FBN3: variants seen among roughly 807,000 people sequenced by gnomAD.
FBN3 encodes the protein fibrillin 3.
A neutral mutation model predicts 330.1 loss-of-function variants in FBN3; 234 were observed. That is an observed-to-expected ratio of 0.71 (90% CI 0.64 to 0.79). The LOEUF (loss-of-function observed/expected upper bound fraction) is 0.79, where lower values mean the gene tolerates loss of function less well. Among genes scored for constraint, FBN3 ranks in the 30% least tolerant of loss-of-function variants. The pLI is 0.00. For synonymous variants in FBN3, 1,458 were observed against 1,517.3 expected, an observed-to-expected ratio of 0.96 and a Z score of 0.91; for missense variants, 3,606 against 3,886.9, an observed-to-expected ratio of 0.93 and a Z score of 1.92.
At chr19:8,097,059 G>C in intron 42 of FBN3, 53 bp from the exon 43 acceptor site, 1 of 1,590,766 alleles carries the variant, frequency 6.3e-7, no homozygotes, top group South Asian at 1.1e-5. Context: ...CATCCTGACA[G>C]AATCAAACGT....
At chr19:8,135,936 G>GGGGGGGGGGGGGGGGGGGGCCCCCCCC in intron 13 of FBN3, 25 bp downstream of exon 13, 6 of 668,754 alleles carry the variant, frequency 9.0e-6, no homozygotes, top group Non-Finnish European at 1.2e-5. Flanking sequence ...GGAAGCCCCT[G>GGGGGGGGGGGGGGGGGGGGCCCCCCCC]CCCACCCGCC....
At chr19:8,113,667 C>T (rs1401657356) in intron 30 of FBN3, among the ~76,000 whole-genome samples, 9 of 151,908 alleles carry the variant, frequency 5.9e-5, no homozygotes, top group Non-Finnish European at 1.2e-4. Context: ...TATGATCACA[C>T]CACTGCACTA....
intron 40 of FBN3, among the ~76,000 whole-genome samples, chr19:8,102,488 G>C (rs2082348423): frequency 6.6e-6 from 1 of 152,118 alleles, no homozygotes; most frequent in Admixed American, 6.6e-5. Flanking sequence ...AAAATGCTGG[G>C]ATTATAGGTG....
chr19:8,130,378 C>T (rs113031141), intron 16 of FBN3, among the ~76,000 whole-genome samples: 26,389 of 144,508 alleles, frequency 0.18, 2,920 homozygotes, highest in South Asian at 0.39. Context: ...GGGCATGGAG[C>T]TGCATGCCTG....
intron 38 of FBN3, 124 bp from the exon 39 acceptor site, chr19:8,103,811 T>G: frequency 1.2e-6 from 1 of 861,316 alleles, no homozygotes; most frequent in South Asian, 1.7e-5. Flanking sequence ...CAAAATCAGT[T>G]TAAAACGCAC....
chr19:8,093,477 G>T (rs531463466), intron 47 of FBN3, among the ~76,000 whole-genome samples: 277 of 151,996 alleles, frequency 1.8e-3, no homozygotes, highest in African/African-American at 6.1e-3. Flanking sequence ...CAAAAAAATA[G>T]CCGGGCATGG....
At position 8,073,275 on chromosome 19, in the gene FBN3, C is replaced by T. The variant is rs374904139; in HGVS notation, c.7725G>A (p.Ser2575=). The change falls in exon 62 of 64, where the codon TCG becomes TCA. Residue 2575 remains serine, a synonymous_variant. Transcript: ENST00000600128. The part of the protein sequence containing the change: ...QCVDENECAL[S]PPTCGSASCR... ...AGGAGGCGCTCCCGCAGGTGGGGGG[C>T]GACAGGGCACACTCATTCTCATCTG... The T allele has an allele frequency of 1.8e-4, 291 of 1,613,400 alleles. No individual in the cohort carries two copies. Among genetic ancestry groups the T allele is most frequent in the Non-Finnish European group, 2.4e-4 (278 of 1,179,804 alleles).
intron 8 of FBN3, among the ~76,000 whole-genome samples, chr19:8,141,124 G>A (rs2083401581): frequency 6.7e-6 from 1 of 148,736 alleles, no homozygotes. Context: ...GAACCCAGGA[G>A]GCGGAGCTTG....
chr19:8,136,826 C>A (rs1260153632), intron 10 of FBN3, among the ~76,000 whole-genome samples: 1 of 149,152 alleles, frequency 6.7e-6, no homozygotes, highest in South Asian at 2.2e-4. Context: ...GGTCTAGATA[C>A]CTCCAACCTG....
chr19:8,144,989 G>A lies in FBN3; in HGVS notation c.446-17C>T. ...CACAGATGGCTGTGGAGGAGAGAGG[G>A]TGATGGCTGGAGGTCCCCCAGCAGC... is the stretch of plus-strand genomic sequence containing the variant. On this transcript the variant is annotated splice_polypyrimidine_tract_variant and intron_variant, in intron 5 of 63. Transcript: ENST00000600128. 1.3e-6 allele frequency: 2 copies of A among 1,598,516 alleles called. No homozygotes were observed. The highest frequency in any genetic ancestry group is 1.1e-5 in the South Asian group (1 of 88,316).
Position 8,109,213 on chromosome 19 carries a change from C to G in FBN3, c.4618+14G>C. Reference sequence around the variant, plus strand: ...GCTTAGGTCACGGTGTTCAACTGCCCCGCAGGGACTCACTGGTGTTGGCCA... The same window carrying G: ...GCTTAGGTCACGGTGTTCAACTGCCGCGCAGGGACTCACTGGTGTTGGCCA... On this transcript the variant is annotated intron_variant, in intron 36 of 63. Transcript: ENST00000600128. The surrounding 1 kb of genome is among the most constrained non-coding windows in gnomAD (Gnocchi z 5.2). The G allele has an allele frequency of 1.2e-6, 2 of 1,613,780 alleles. No homozygotes were observed. The highest frequency in any genetic ancestry group is 1.7e-6 in the Non-Finnish European group (2 of 1,179,820).
Position 8,094,456 on chromosome 19 carries a change from G to T in FBN3, c.5895C>A (p.Asp1965Glu), listed in dbSNP as rs774777105. 1 of 1,613,150 alleles carries T rather than the reference G, an allele frequency of 6.2e-7. No homozygotes were observed. Among genetic ancestry groups the T allele is most frequent in the Non-Finnish European group, 8.5e-7 (1 of 1,179,414 alleles). Residue 1965 changes from aspartate (D) to glutamate (E), a missense_variant, in exon 47 of 64, where the codon GAC becomes GAA. Physicochemically the swap from Asp to Glu is conservative, Grantham distance 45. Coordinates refer to ENST00000600128, the MANE Select transcript of FBN3 (RefSeq NM_032447.5). ...ICPPGFQVQS[D>E]HCIDIDECSE... ...GGGCTGGACACTCACCAATGCAGTG[G>T]TCACTCTGCACCTGGAAGCCAGGGG...
At position 8,083,273 on chromosome 19, in the gene FBN3, G is replaced by A. The variant is rs372328082; in HGVS notation, c.7187C>T (p.Pro2396Leu). Residue 2396 changes from proline to leucine, a missense_variant, in exon 57 of 64, where the codon CCG (proline) becomes CTG (leucine). Pro to Leu is a moderately conservative substitution (Grantham distance 98). Transcript: ENST00000600128. ...CAGGCAGGTAGTAGCAGTAGCATCC[G>A]GTGTGTACCCGGCCTGACAGTGGCA... ...FRCHCQAGYT[P>L]DATATTCLDM... The A allele has an allele frequency of 5.2e-5, 84 of 1,614,016 alleles. 1 individual carries two copies. In the South Asian group the frequency reaches 8.2e-4, roughly 16 times the overall value.
Position 8,085,411 on chromosome 19 carries a change from A to C in FBN3, c.7039T>G (p.Tyr2347Asp). 1 of 1,578,620 alleles carries C rather than the reference A, an allele frequency of 6.3e-7. No individual in the cohort carries two copies. Among genetic ancestry groups the C allele is most frequent in the Non-Finnish European group, 8.6e-7 (1 of 1,164,520 alleles). Residue 2347 changes from tyrosine (Y) to aspartate (D), a missense_variant, in exon 56 of 64, where the codon TAC becomes GAC. Tyr to Asp is a radical substitution (Grantham distance 160, BLOSUM62 -3). Transcript: ENST00000600128. ...ELCPLPGTSA[Y>D]RKLCPHGSGY... ...GAGCCATGGGGGCACAGCTTCCTGT[A>C]GGCAGAGGTGCCGGGCAGGGGACAG...
intron 26 of FBN3, 144 bp from the exon 27 acceptor site, chr19:8,117,733 T>C (rs2144871402): frequency 1.1e-6 from 1 of 943,130 alleles, no homozygotes; most frequent in Non-Finnish European, 1.6e-6. Context: ...TCCGTACACT[T>C]GCATTCACTC....
rs532677935 is a variant in FBN3 at position 8,147,107 on chromosome 19, C to T, written c.247G>A (p.Val83Ile). ...RTFPGRSQCV[V>I]PICRRACGEG... Reference sequence around the variant, plus strand: ...TCCAGACGGCGGTAGCACTCACGTACGACACACTGGCTCCTGCCAGGGAAT... The same window carrying T: ...TCCAGACGGCGGTAGCACTCACGTATGACACACTGGCTCCTGCCAGGGAAT... Residue 83 changes from valine to isoleucine, a missense_variant, in exon 3 of 64, where the codon GTA becomes ATA. By Grantham distance (29) the Val-to-Ile change is conservative. Coordinates refer to ENST00000600128, the MANE Select transcript of FBN3 (RefSeq NM_032447.5). 4.1e-5 allele frequency: 64 copies of T among 1,559,474 alleles called. No homozygotes were observed. Among genetic ancestry groups the T allele is most frequent in the Admixed American group, 1.1e-4 (6 of 52,400 alleles).
chr19:8,140,693 T>C (rs1219066843), intron 8 of FBN3, among the ~76,000 whole-genome samples: 2 of 151,842 alleles, frequency 1.3e-5, no homozygotes, highest in Admixed American at 6.6e-5. Flanking sequence ...AGCGGTTAAG[T>C]CACTTGCCCA....
In FBN3 at chr19:8,109,715, C is replaced by T. The variant is rs769370577; in HGVS notation, c.4372G>A (p.Gly1458Ser). ...ECADPVNCINGVCINTPGSYL... is the reference protein window; with the variant it reads ...ECADPVNCINSVCINTPGSYL... ...CTGCCGGGGGTGTTAATGCACACGC[C>T]GTTGATGCAGTTTACTGGGTCTGCA... Residue 1458 changes from glycine to serine, a missense_variant, in exon 35 of 64, where the codon GGC becomes AGC. Physicochemically the swap from Gly to Ser is moderately conservative, Grantham distance 56 (BLOSUM62 0). Coordinates refer to ENST00000600128, the MANE Select transcript of FBN3 (RefSeq NM_032447.5). The surrounding 1 kb of genome is among the most constrained non-coding windows in gnomAD (Gnocchi z 5.2). 4.5e-6 allele frequency: 7 copies of T among 1,543,272 alleles called. No homozygotes were observed. The highest frequency in any genetic ancestry group is 2.1e-5 in the Admixed American group (1 of 48,738).
In FBN3 at chr19:8,121,505, T is replaced by C; in HGVS notation, c.3083-119A>G. On this transcript the variant is annotated intron_variant, in intron 24 of 63. Coordinates refer to ENST00000600128, the MANE Select transcript of FBN3 (RefSeq NM_032447.5). This position sits in a 1 kb window ranked among gnomAD's most constrained non-coding sequence, Gnocchi z 4.5. ...GCTAGAGGAAGCCCATCTGCAGACA[T>C]AAGGAGGCACAGGCCAAGAGGGGAG... The C allele has an allele frequency of 9.6e-7, 1 of 1,039,428 alleles. No homozygotes were observed. Among genetic ancestry groups the C allele is most frequent in the Non-Finnish European group, 1.3e-6 (1 of 748,328 alleles). The allele number at this position is 1,039,428 out of a possible 1,614,324, so 64.4% of individuals were successfully genotyped here.
Sources: allele counts gnomAD v4.1 joint callset (sites outside exome capture counted in the v4.1 genomes callset), GRCh38; gene constraint gnomAD v4.1.1; non-coding constraint Gnocchi (gnomAD v3.1); transcripts MANE v1.5; gene names NCBI Gene and HGNC (gene_info 2026-07-23, HGNC 2026-07-21).